The following ADGRL3 variants were observed in gnomAD, a reference collection of about 807,000 sequenced individuals.
ADGRL3 encodes adhesion G protein-coupled receptor L3.
In ADGRL3, 62 loss-of-function variants were observed where a neutral mutation model predicts 153.5. That is an observed-to-expected ratio of 0.40 (90% CI 0.33 to 0.50). ADGRL3 has a LOEUF of 0.50. ADGRL3 is among the 20% of genes least tolerant of loss of function. ADGRL3 has a pLI of 0.47. For missense variants in ADGRL3, 1,641 were observed against 1,859.4 expected (o/e 0.88, Z 2.16); for synonymous variants, 710 against 672.5 (o/e 1.06, Z -0.86).
chr4:62,031,659 T>A (rs776081205), intron 23 of ADGRL3, 49 bp downstream of exon 23: 8 of 1,314,994 alleles, frequency 6.1e-6, no homozygotes, highest in Non-Finnish European at 8.5e-6. Flanking sequence ...CATTTCATGA[T>A]AGCAAAGCAG....
chr4:61,616,749 T>A (rs956073487), intron 5 of ADGRL3, among the ~76,000 whole-genome samples: 7 of 152,180 alleles, frequency 4.6e-5, no homozygotes, highest in Non-Finnish European at 7.3e-5. Context: ...TATAAAAAAA[T>A]TAAACTTCCA....
chr4:61,729,646 C>A (rs796593841), intron 6 of ADGRL3, among the ~76,000 whole-genome samples: 10 of 151,854 alleles, frequency 6.6e-5, no homozygotes, highest in African/African-American at 2.4e-4. Context: ...CCCTGACATT[C>A]TCCTCTTTTT....
At chr4:61,273,181 C>T (rs1365050332) in intron 1 of ADGRL3, among the ~76,000 whole-genome samples, 1 of 152,166 alleles carries the variant, frequency 6.6e-6, no homozygotes, top group Admixed American at 6.6e-5. Context: ...ATGATGTACT[C>T]AGGACCAGAT....
intron 5 of ADGRL3, among the ~76,000 whole-genome samples, chr4:61,627,489 C>T (rs1455470164): frequency 3.3e-5 from 5 of 152,008 alleles, no homozygotes; most frequent in East Asian, 3.9e-4. Context: ...GGCATGGTGG[C>T]GGGTGCCTGT....
intron 9 of ADGRL3, among the ~76,000 whole-genome samples, chr4:61,843,735 G>A (rs1369286941): frequency 3.9e-5 from 6 of 152,170 alleles, no homozygotes; most frequent in Non-Finnish European, 8.8e-5. Context: ...TAGTATGTCA[G>A]GTGTGGTGCT....
intron 2 of ADGRL3, among the ~76,000 whole-genome samples, chr4:61,487,438 G>A (rs2098208815): frequency 6.6e-6 from 1 of 151,968 alleles, no homozygotes; most frequent in Non-Finnish European, 1.5e-5. Flanking sequence ...GCACAGTAAG[G>A]GCTTAATAAA....
intron 13 of ADGRL3, among the ~76,000 whole-genome samples, chr4:61,915,362 G>A (rs2098740738): frequency 6.6e-6 from 1 of 150,394 alleles, no homozygotes; most frequent in Non-Finnish European, 1.5e-5. Context: ...GAATGCAATA[G>A]GTAGAGAAAT....
chr4:61,306,941 C>T (rs538173349), intron 1 of ADGRL3, among the ~76,000 whole-genome samples: 1 of 152,212 alleles, frequency 6.6e-6, no homozygotes, highest in South Asian at 2.1e-4. Flanking sequence ...CAATCTCCTG[C>T]TATAAAGCAA....
At chr4:61,211,958 C>G (rs1740238737) in intron 1 of ADGRL3, 1 of 152,184 alleles carries the variant, frequency 6.6e-6, no homozygotes, top group African/African-American at 2.4e-5. Flanking sequence ...CTTAAAAATG[C>G]AGAGAATAAT....
At chr4:61,614,928 G>A (rs560083802) in intron 5 of ADGRL3, among the ~76,000 whole-genome samples, 51 of 152,226 alleles carry the variant, frequency 3.4e-4, no homozygotes, top group Non-Finnish European at 6.8e-4. Flanking sequence ...GGTGTTAAAA[G>A]CAGTGCCTGG....
intron 4 of ADGRL3, among the ~76,000 whole-genome samples, chr4:61,552,940 T>C (rs10011995): frequency 0.2 from 30,366 of 152,162 alleles, 3,387 homozygotes; most frequent in Non-Finnish European, 0.25. Flanking sequence ...TATGAAGGCC[T>C]TACAGTGTGT....
At chr4:61,980,306 ATTTTTTTTTTTT>A (rs756680977) in intron 18 of ADGRL3, among the ~76,000 whole-genome samples, 2 of 74,430 alleles carry the variant, frequency 2.7e-5, no homozygotes, top group Non-Finnish European at 5.1e-5. Context: ...GTAACCACTA[ATTTTTTTTTTTT>A]TTTTTTTTTT....
chr4:61,228,248 C>T (rs920255288), intron 1 of ADGRL3, among the ~76,000 whole-genome samples: 2 of 152,130 alleles, frequency 1.3e-5, no homozygotes, highest in African/African-American at 4.8e-5. Context: ...ATGTCCTTTT[C>T]TTCTTATTCT....
chr4:61,675,500 A>T (rs1209882925), intron 5 of ADGRL3, among the ~76,000 whole-genome samples: 1 of 151,780 alleles, frequency 6.6e-6, no homozygotes, highest in Non-Finnish European at 1.5e-5. Context: ...CACTGTGAGT[A>T]TGGGTATCTT....
intron 8 of ADGRL3, among the ~76,000 whole-genome samples, chr4:61,734,247 A>G (rs181338390): frequency 6.6e-6 from 1 of 151,140 alleles, no homozygotes; most frequent in African/African-American, 2.4e-5. Flanking sequence ...AATACCTTTA[A>G]TTTTTTTTTC....
In ADGRL3 at chr4:61,320,321, C is replaced by T. The variant is rs577778089; in HGVS notation, c.-239-62803C>T. Among the ~76,000 whole-genome samples, 32 of 152,260 alleles carry T rather than the reference C, an allele frequency of 2.1e-4. 1 individual carries two copies. In the South Asian group the frequency reaches 4.1e-3, roughly 20 times the overall value. On this transcript the variant is annotated intron_variant, in intron 1 of 26. Transcript: ENST00000683033. The stretch of plus-strand genomic sequence containing the variant: ...AACAACTCAAACCAGTATTAAATTA[C>T]TAATTGTATCAGTGTGTCATTCCTA...
At chr4:61,784,445 C>G (rs1321063582) in intron 8 of ADGRL3, among the ~76,000 whole-genome samples, 1 of 152,006 alleles carries the variant, frequency 6.6e-6, no homozygotes, top group African/African-American at 2.4e-5. Context: ...CACTTTTTTC[C>G]AGTCACTTCA....
intron 1 of ADGRL3, among the ~76,000 whole-genome samples, chr4:61,363,772 C>G (rs1440283187): frequency 6.6e-6 from 1 of 151,714 alleles, no homozygotes; most frequent in African/African-American, 2.4e-5. Flanking sequence ...TTTTTTTAAT[C>G]TTTTCAGTAA....
At chr4:61,700,563 G>A (rs866271029) in intron 6 of ADGRL3, among the ~76,000 whole-genome samples, 1 of 152,152 alleles carries the variant, frequency 6.6e-6, no homozygotes, top group Non-Finnish European at 1.5e-5. Flanking sequence ...CTGAGCTAAG[G>A]TGCCAATGAT....
Sources: gnomAD v4.1 joint callset for allele counts (sites outside exome capture counted in the v4.1 genomes callset) on GRCh38, gnomAD v4.1.1 for gene constraint, MANE v1.5 for transcripts, NCBI Gene and HGNC (gene_info 2026-07-23, HGNC 2026-07-21) for gene names.